The following NMNAT1 variants were observed in gnomAD, a reference collection of about 807,000 sequenced individuals.
NMNAT1 encodes nicotinamide/nicotinic acid mononucleotide adenylyltransferase 1.
Under a neutral mutation model 16.7 loss-of-function variants are expected in NMNAT1, and 11 were observed. The ratio of observed to expected loss-of-function variants is 0.66; its 90% CI spans 0.41 to 1.09. The LOEUF (loss-of-function observed/expected upper bound fraction) is 1.09. NMNAT1 is among the 50% of genes least tolerant of loss of function. NMNAT1 has a pLI of 0.00. For synonymous variants in NMNAT1, 110 were observed against 119.8 expected (o/e 0.92, Z 0.53); for missense variants, 280 against 332.3 (o/e 0.84, Z 1.22).
chr1:9,951,562 C>T lies in NMNAT1; in HGVS notation c.-57+8047C>T, dbSNP rs537808035. 2.6e-5 allele frequency among the ~76,000 whole-genome samples: 4 copies of T among 152,254 alleles called. No homozygotes were observed. In the South Asian group the frequency reaches 8.3e-4, roughly 32 times the overall value. Reference sequence around the variant, plus strand: ...TGAGCATGGCTCACTGGAGCCTTGACTTCCTGGGTTCACGGGATCCTCCTG... The same window carrying T: ...TGAGCATGGCTCACTGGAGCCTTGATTTCCTGGGTTCACGGGATCCTCCTG... On this transcript the variant is annotated intron_variant, in intron 1 of 4. Coordinates refer to ENST00000377205, the MANE Select transcript of NMNAT1 (RefSeq NM_022787.4).
At chr1:9,987,637 C>T (rs928325867), downstream of NMNAT1, among the ~76,000 whole-genome samples, 4 of 151,682 alleles carry the variant, frequency 2.6e-5, no homozygotes, top group Admixed American at 2.6e-4. Context: ...AAGACTCCGT[C>T]TCAAAATAAA....
chr1:9,960,991 A>T (rs1258610066), intron 1 of NMNAT1, among the ~76,000 whole-genome samples: 1 of 152,196 alleles, frequency 6.6e-6, no homozygotes, highest in Non-Finnish European at 1.5e-5. Flanking sequence ...TGGCAGCAAT[A>T]GGAGCTCACT....
chr1:9,975,745 A>G lies in NMNAT1; in HGVS notation c.269A>G (p.Lys90Arg). Residue 90 changes from lysine to arginine, a missense_variant, in exon 3 of 5, where the codon AAG becomes AGG. Lys to Arg is a conservative substitution (Grantham distance 26). Coordinates refer to ENST00000377205, the MANE Select transcript of NMNAT1 (RefSeq NM_022787.4). Reference sequence around the variant, plus strand: ...GTTGATACATGGGAAAGTCTTCAGAAGGAGTGGAAAGAGACTCTGAAGGTG... The same window carrying G: ...GTTGATACATGGGAAAGTCTTCAGAGGGAGTGGAAAGAGACTCTGAAGGTG... ...VEVDTWESLQ[K>R]EWKETLKVLR... 6.2e-7 allele frequency: 1 copy of G among 1,613,856 alleles called. No homozygotes were observed. Among genetic ancestry groups the G allele is most frequent in the Non-Finnish European group, 8.5e-7 (1 of 1,179,880 alleles).
intron 3 of NMNAT1, among the ~76,000 whole-genome samples, chr1:9,980,041 C>G (rs1426626986): frequency 6.6e-6 from 1 of 151,414 alleles, no homozygotes; most frequent in East Asian, 2.1e-4. Context: ...AAGCGATTCT[C>G]CTGCCTCAGC....
At chr1:9,975,881 A>C in intron 3 of NMNAT1, 106 bp downstream of exon 3, 1 of 914,390 alleles carries the variant, frequency 1.1e-6, no homozygotes, top group Non-Finnish European at 1.7e-6. Flanking sequence ...ACAGATTTGC[A>C]AAACTGTCAC....
intron 2 of NMNAT1, 60 bp from the exon 3 acceptor site, chr1:9,975,532 A>G: frequency 4.7e-6 from 6 of 1,280,420 alleles, no homozygotes; most frequent in Non-Finnish European, 6.6e-6. Context: ...TGATCGTAAT[A>G]TTTCCTGTGC....
At position 9,975,762 on chromosome 1, in the gene NMNAT1, C is replaced by G; in HGVS notation, c.286C>G (p.Leu96Val). Residue 96 changes from leucine (L) to valine (V), a missense_variant, in exon 3 of 5, where the codon CTG becomes GTG. Leu to Val is a conservative substitution (Grantham distance 32, BLOSUM62 1). Transcript: ENST00000377205. Reference protein sequence around the residue: ...ESLQKEWKETLKVLRHHQEKL... With the variant: ...ESLQKEWKETVKVLRHHQEKL... ...TCTTCAGAAGGAGTGGAAAGAGACT[C>G]TGAAGGTGCTAAGGTATTTATGGTG... 6.2e-7 allele frequency: 1 copy of G among 1,612,736 alleles called. No homozygotes were observed. The highest frequency in any genetic ancestry group is 8.5e-7 in the Non-Finnish European group (1 of 1,179,318).
intron 2 of NMNAT1, among the ~76,000 whole-genome samples, chr1:9,973,122 C>T (rs1454595145): frequency 6.6e-6 from 1 of 151,922 alleles, no homozygotes; most frequent in Non-Finnish European, 1.5e-5. Flanking sequence ...TTCTTTCTTT[C>T]TTTCTTTTTT....
At chr1:9,955,899 G>A (rs995937949) in intron 1 of NMNAT1, 1 of 152,004 alleles carries the variant, frequency 6.6e-6, no homozygotes, top group African/African-American at 2.4e-5. Context: ...GAAGATCTGG[G>A]CCTAAAAGTC....
chr1:9,968,081 T>TTTTTTTTTTG (rs1378331933), intron 1 of NMNAT1, among the ~76,000 whole-genome samples: 1 of 47,652 alleles, frequency 2.1e-5, no homozygotes, highest in Non-Finnish European at 8.8e-5. Flanking sequence ...TTTTTTTTTG[T>TTTTTTTTTTG]TTTTTTTTGA....
rs1178416548 is a variant in NMNAT1 at position 9,983,897 on chromosome 1, A to C, written c.*1196A>C. 1 of 152,140 alleles carries C rather than the reference A, an allele frequency of 6.6e-6. No individual in the cohort carries two copies. Among genetic ancestry groups the C allele is most frequent in the African/African-American group, 2.4e-5 (1 of 41,424 alleles). The allele number at this position is 152,140 out of a possible 1,614,324, so 9.4% of individuals were successfully genotyped here. On this transcript the variant is annotated 3_prime_UTR_variant, in exon 5 of 5. Transcript: ENST00000377205. ...CTGAAGTGTCACGTAAACTGCAGAA[A>C]GTTTCCAATGCTGGAAACTTCTCTC...
At chr1:9,951,632 G>C (rs985314997) in intron 1 of NMNAT1, among the ~76,000 whole-genome samples, 3 of 152,060 alleles carry the variant, frequency 2.0e-5, no homozygotes, top group Admixed American at 6.6e-5. Flanking sequence ...GTGCCACCAG[G>C]TCCAGCTAAT....
intron 1 of NMNAT1, among the ~76,000 whole-genome samples, chr1:9,961,684 A>G (rs553236287): frequency 1.3e-5 from 2 of 152,286 alleles, no homozygotes; most frequent in East Asian, 1.9e-4. Flanking sequence ...CCTAGTGACT[A>G]CTACTGAACC....
intron 3 of NMNAT1, among the ~76,000 whole-genome samples, chr1:9,976,636 T>C (rs1302988936): frequency 6.6e-6 from 1 of 151,992 alleles, no homozygotes; most frequent in African/African-American, 2.4e-5. Flanking sequence ...TTTTTTTTTT[T>C]CTTTTTGAGA....
At chr1:9,951,737 A>G (rs1293560694) in intron 1 of NMNAT1, among the ~76,000 whole-genome samples, 1 of 152,138 alleles carries the variant, frequency 6.6e-6, no homozygotes, top group Non-Finnish European at 1.5e-5. Flanking sequence ...AGCCTTCCAA[A>G]GTACTGGGAT....
In NMNAT1 at chr1:9,982,629, T is replaced by C. The variant is rs148650540; in HGVS notation, c.768T>C (p.Ser256=). ...TTGAAAAGCATAATTTGTACAGCTC[T>C]GAGAGTGAAGACAGGAATGCTGGGG... ...EYIEKHNLYS[S]ESEDRNAGVI... Residue 256 remains serine (S), a synonymous_variant, in exon 5 of 5, where the codon TCT becomes TCC. Transcript: ENST00000377205. 36 of 1,614,044 alleles carry C rather than the reference T, an allele frequency of 2.2e-5. No homozygotes were observed. The highest frequency in any genetic ancestry group is 2.7e-5 in the Non-Finnish European group (32 of 1,180,038).
intron 1 of NMNAT1, chr1:9,949,637 G>A (rs1641062478): frequency 6.6e-6 from 1 of 150,888 alleles, no homozygotes; most frequent in African/African-American, 2.4e-5. Flanking sequence ...GTTTTTTTTA[G>A]TGGAGACGGA....
rs113357928 is a variant in NMNAT1, at chr1:9,944,014, G to A, written c.-57+499G>A. ...TCACGCCTGTAATCCCAGCACTTTG[G>A]GAGGCCGAGGCAGGCGGATCACGAG... On this transcript the variant is annotated intron_variant, in intron 1 of 4. Transcript: ENST00000377205. 7.5e-3 allele frequency among the ~76,000 whole-genome samples: 1,145 copies of A among 152,072 alleles called. 15 individuals carry two copies. The highest frequency in any genetic ancestry group is 0.027 in the African/African-American group (1,104 of 41,484).
chr1:9,961,294 A>C (rs1440096635), intron 1 of NMNAT1, among the ~76,000 whole-genome samples: 1 of 151,904 alleles, frequency 6.6e-6, no homozygotes, highest in African/African-American at 2.4e-5. Context: ...GAGGACCCAC[A>C]CCTCTCGAAC....
Sources: gnomAD v4.1 joint callset for allele counts (sites outside exome capture counted in the v4.1 genomes callset) on GRCh38, gnomAD v4.1.1 for gene constraint, MANE v1.5 for transcripts, NCBI Gene and HGNC (gene_info 2026-07-23, HGNC 2026-07-21) for gene names.